Variants in FBXL17 observed in about 807,000 individuals in gnomAD.
FBXL17 encodes F-box/LRR-repeat protein 17.
FBXL17 carries 22 observed loss-of-function variants against 66.2 expected under a neutral mutation model. The ratio of observed to expected loss-of-function variants is 0.33; its 90% confidence interval spans 0.24 to 0.47. The LOEUF is 0.47. FBXL17 is among the 20% of genes least tolerant of loss of function. The probability of loss-of-function intolerance (pLI) is 1.00; values close to 1 mark genes in which losing one functional copy is unlikely to be tolerated. For missense variants in FBXL17, 878 were observed against 948.2 expected, an observed-to-expected ratio of 0.93 and a Z score of 0.97; for synonymous variants, 474 against 400.5, an observed-to-expected ratio of 1.18 and a Z score of -2.19.
At position 108,303,384 on chromosome 5, in the gene FBXL17, A is replaced by C. The variant is rs912021534; in HGVS notation, c.1506+45015T>G. On this transcript the variant is annotated intron_variant, in intron 4 of 8. Transcript: ENST00000542267. The stretch of plus-strand genomic sequence containing the variant: ...TAAACACACACACACACACACACAC[A>C]CACACACACACATACCCACACACAA... 6.7e-5 allele frequency among the ~76,000 whole-genome samples: 10 copies of C among 148,400 alleles called. No homozygotes were observed. The South Asian group carries it at 2.3e-3, about 35-fold the overall frequency.
intron 7 of FBXL17, among the ~76,000 whole-genome samples, chr5:107,915,288 T>C (rs1013331123): frequency 6.6e-6 from 1 of 152,156 alleles, no homozygotes; most frequent in African/African-American, 2.4e-5. Flanking sequence ...GTATACCCTA[T>C]TTTAGATCTG....
chr5:108,212,493 C>T (rs969263483), intron 5 of FBXL17, among the ~76,000 whole-genome samples: 2 of 152,118 alleles, frequency 1.3e-5, no homozygotes, highest in Admixed American at 6.6e-5. Context: ...CATTGATTTT[C>T]GTGACCTCTG....
rs375109990 is a variant in FBXL17 at position 108,340,390 on chromosome 5, TA to T, written c.1506+8008del. Reference sequence around the variant, plus strand: ...ATATAGTGAGACCCTGTCTCTACTTTAAAAAAAAAAAAAAAAAACTCGTTTT... The same window carrying T: ...ATATAGTGAGACCCTGTCTCTACTTTAAAAAAAAAAAAAAAAACTCGTTTT... On this transcript the variant is annotated intron_variant, in intron 4 of 8. Transcript: ENST00000542267. 3.7e-3 allele frequency among the ~76,000 whole-genome samples: 480 copies of T among 129,262 alleles called. 1 individual carries two copies. The highest frequency in any genetic ancestry group is 4.9e-3 in the East Asian group (22 of 4,524). The allele number at this position is 129,262 out of a possible 152,430, so 84.8% of individuals were successfully genotyped here. A position where few individuals can be genotyped will look rare whatever the true frequency, so the allele number is the denominator to read the frequency against.
At chr5:108,334,630 A>G (rs1369734029) in intron 4 of FBXL17, among the ~76,000 whole-genome samples, 1 of 152,218 alleles carries the variant, frequency 6.6e-6, no homozygotes, top group African/African-American at 2.4e-5. Context: ...TTGAATGTGT[A>G]TCTTTTATTT....
At chr5:108,112,329 G>A (rs948482241) in intron 6 of FBXL17, among the ~76,000 whole-genome samples, 5 of 152,182 alleles carry the variant, frequency 3.3e-5, no homozygotes, top group Non-Finnish European at 5.9e-5. Flanking sequence ...ACTTCCATGA[G>A]CTTGGATAGA....
At chr5:108,227,675 A>C (rs1755156413) in intron 4 of FBXL17, among the ~76,000 whole-genome samples, 1 of 152,250 alleles carries the variant, frequency 6.6e-6, no homozygotes, top group African/African-American at 2.4e-5. Context: ...ATTTTCCTAA[A>C]ATAATGAAAC....
chr5:107,922,404 A>C (rs1297579825), intron 7 of FBXL17, among the ~76,000 whole-genome samples: 2 of 152,168 alleles, frequency 1.3e-5, no homozygotes, highest in African/African-American at 4.8e-5. Flanking sequence ...TGTTGAGTCT[A>C]TGCAAGGATC....
chr5:108,258,303 G>A (rs1446445283), intron 4 of FBXL17, among the ~76,000 whole-genome samples: 1 of 152,122 alleles, frequency 6.6e-6, no homozygotes, highest in Non-Finnish European at 1.5e-5. Context: ...CTTGATCTTG[G>A]ACTTTTTATC....
intron 4 of FBXL17, among the ~76,000 whole-genome samples, chr5:108,228,102 T>C (rs946996491): frequency 6.6e-6 from 1 of 152,168 alleles, no homozygotes; most frequent in Non-Finnish European, 1.5e-5. Flanking sequence ...TGGGTCTTTC[T>C]CTTTCAGCTC....
chr5:108,261,102 TAC>T (rs1756801844), intron 4 of FBXL17, among the ~76,000 whole-genome samples: 1 of 151,950 alleles, frequency 6.6e-6, no homozygotes, highest in Non-Finnish European at 1.5e-5. Context: ...GTAGGATAAA[TAC>T]AGTTATAGGA....
chr5:107,881,064 T>A lies in FBXL17; in HGVS notation c.1938A>T (p.Arg646Ser). The A allele has an allele frequency of 6.2e-7, 1 of 1,614,092 alleles. No homozygotes were observed. Among genetic ancestry groups the A allele is most frequent in the Non-Finnish European group, 8.5e-7 (1 of 1,179,962 alleles). The change falls in exon 8 of 9, where the codon AGA becomes AGT. Residue 646 changes from arginine (R) to serine (S), a missense_variant. Physicochemically the swap from Arg to Ser is moderately radical, Grantham distance 110. Coordinates refer to ENST00000542267, the MANE Select transcript of FBXL17 (RefSeq NM_001163315.3). ...TATCACATCTCATCAGCCCCAAATA[T>A]CTCAGAGACTTGCTGCTCTGTGCAA... ...TLIAQSSKSL[R>S]YLGLMRCDKV...
In FBXL17 at chr5:107,954,105, C is replaced by T. The variant is rs115658610; in HGVS notation, c.1822+66820G>A. On this transcript the variant is annotated intron_variant, in intron 7 of 8. Transcript: ENST00000542267. The stretch of plus-strand genomic sequence containing the variant: ...ATATCTCTAAAACATGAATAAAATG[C>T]TTGCAAATATTTTTGATAGTTTTGA... 3.2e-3 allele frequency among the ~76,000 whole-genome samples: 488 copies of T among 152,208 alleles called. 3 individuals are homozygous for T. The highest frequency in any genetic ancestry group is 0.011 in the African/African-American group (455 of 41,524).
rs1475870219 is a variant in FBXL17, at chr5:108,009,298, T to TAGATAGATAGATAG, written c.1822+11626_1822+11627insCTATCTATCTATCT. 2.1e-3 allele frequency among the ~76,000 whole-genome samples: 153 copies of TAGATAGATAGATAG among 71,402 alleles called. 10 individuals carry two copies. The highest frequency in any genetic ancestry group is 0.01 in the African/African-American group (147 of 14,452). 46.8% of individuals were successfully genotyped at this position (71,402 alleles called of 152,430 possible). ...ATATATATATATATATATATATATA[T>TAGATAGATAGATAG]ATACATATATACATACACATATAGT... On this transcript the variant is annotated intron_variant, in intron 7 of 8. Transcript: ENST00000542267.
At chr5:108,247,599 G>T (rs908440854) in intron 4 of FBXL17, among the ~76,000 whole-genome samples, 2 of 151,954 alleles carry the variant, frequency 1.3e-5, no homozygotes, top group Non-Finnish European at 2.9e-5. Context: ...TTAACCTCAG[G>T]TTTTAATATT....
chr5:108,369,487 C>T (rs1748890485), intron 1 of FBXL17, among the ~76,000 whole-genome samples: 1 of 152,116 alleles, frequency 6.6e-6, no homozygotes, highest in Admixed American at 6.5e-5. Flanking sequence ...AAATATTTTA[C>T]AGAGTTTGAC....
intron 5 of FBXL17, among the ~76,000 whole-genome samples, chr5:108,203,747 A>G (rs900692311): frequency 6.6e-6 from 1 of 152,164 alleles, no homozygotes; most frequent in Non-Finnish European, 1.5e-5. Flanking sequence ...AGGCAATCTA[A>G]ACCAATCGAT....
chr5:108,006,086 A>G (rs535528400), intron 7 of FBXL17, among the ~76,000 whole-genome samples: 1 of 152,228 alleles, frequency 6.6e-6, no homozygotes, highest in Non-Finnish European at 1.5e-5. Flanking sequence ...ATGTCTAAAT[A>G]TTTATTTGAA....
intron 6 of FBXL17, among the ~76,000 whole-genome samples, chr5:108,161,804 G>A (rs1752229232): frequency 6.6e-6 from 1 of 152,110 alleles, no homozygotes; most frequent in African/African-American, 2.4e-5. Flanking sequence ...TGAGAACCAG[G>A]GACCATCTTT....
At chr5:108,128,511 T>C (rs1750805863) in intron 6 of FBXL17, among the ~76,000 whole-genome samples, 1 of 152,138 alleles carries the variant, frequency 6.6e-6, no homozygotes, top group Admixed American at 6.5e-5. Flanking sequence ...AAAGGGTTAA[T>C]ATACCAACAA....
Sources: allele counts gnomAD v4.1 joint callset (sites outside exome capture counted in the v4.1 genomes callset), GRCh38; gene constraint gnomAD v4.1.1; transcripts MANE v1.5; gene names NCBI Gene and HGNC (gene_info 2026-07-23, HGNC 2026-07-21).